The following SCGB2B2 variants were observed in gnomAD, a reference collection of about 807,000 sequenced individuals.
SCGB2B2 encodes secretoglobin-like protein.
A neutral mutation model predicts 7.6 loss-of-function variants in SCGB2B2; 11 were observed. The observed-to-expected ratio is 1.45, with a 90% CI of 0.91 to 2.40. The LOEUF (loss-of-function observed/expected upper bound fraction) is 2.40. Among genes scored for constraint, SCGB2B2 ranks in the 30% most tolerant of loss-of-function variants. The probability of loss-of-function intolerance (pLI) is 0.00; values close to 1 mark genes in which losing one functional copy is unlikely to be tolerated. For synonymous variants in SCGB2B2, 50 were observed against 48.6 expected, an observed-to-expected ratio of 1.03 and a Z score of -0.12; for missense variants, 104 against 115.4, an observed-to-expected ratio of 0.90 and a Z score of 0.45.
chr19:34,619,267 G>A (rs948145709), intron 1 of SCGB2B2, among the ~76,000 whole-genome samples: 2 of 152,106 alleles, frequency 1.3e-5, no homozygotes, highest in African/African-American at 4.8e-5. Flanking sequence ...GAGGGAGAGT[G>A]GGGGCTTTAA....
rs1007854587 is a variant in SCGB2B2 at position 34,593,339 on chromosome 19, C to A, written c.*216G>T. ...GAAAACAGGCATGTCTATGCTACAC[C>A]TGTAGAGTTTTTCCTCAGTCGCATA... On this transcript the variant is annotated 3_prime_UTR_variant, in exon 4 of 4. Transcript: ENST00000601241. 7 of 536,370 alleles carry A rather than the reference C, an allele frequency of 1.3e-5. No homozygotes were observed. The highest frequency in any genetic ancestry group is 9.5e-5 in the Admixed American group (3 of 31,710). 33.2% of individuals were successfully genotyped at this position (536,370 alleles called of 1,614,324 possible). A position where few individuals can be genotyped will look rare whatever the true frequency, so the allele number is the denominator to read the frequency against.
chr19:34,650,703 TAAACTCTTCCTG>T (rs1380871594), intron 1 of SCGB2B2, among the ~76,000 whole-genome samples: 4 of 151,294 alleles, frequency 2.6e-5, no homozygotes, highest in Non-Finnish European at 1.5e-5. Flanking sequence ...CAATTCTTCC[TAAACTCTTCCTG>T]AAAATTGAAG....
rs1435540879 is a variant in SCGB2B2 at position 34,595,468 on chromosome 19, T to TGGAGAGTAGCTA, written c.-917_-906dup. The stretch of plus-strand genomic sequence containing the variant: ...CTCAAACAGCATAACTTTAACTTGT[T>TGGAGAGTAGCTA]GGAGAGTAGCTAGTAGGAGCGGCCT... On this transcript the variant is annotated 5_prime_UTR_variant, in exon 2 of 4. Transcript: ENST00000601241. 6.5e-6 allele frequency: 1 copy of TGGAGAGTAGCTA among 152,678 alleles called. No individual in the cohort carries two copies. Among genetic ancestry groups the TGGAGAGTAGCTA allele is most frequent in the Non-Finnish European group, 1.5e-5 (1 of 68,046 alleles). 9.5% of individuals were successfully genotyped at this position (152,678 alleles called of 1,614,324 possible).
intron 1 of SCGB2B2, among the ~76,000 whole-genome samples, chr19:34,651,027 A>G (rs2067149793): frequency 6.6e-6 from 1 of 151,428 alleles, no homozygotes; most frequent in Admixed American, 6.6e-5. Context: ...TTAGGTGTGG[A>G]AAAAGCATGA....
intron 1 of SCGB2B2, among the ~76,000 whole-genome samples, chr19:34,671,011 C>G (rs1440485904): frequency 6.6e-6 from 1 of 152,190 alleles, no homozygotes; most frequent in Non-Finnish European, 1.5e-5. Context: ...TCAACCTCCG[C>G]CTCCCGGGTT....
chr19:34,620,933 T>G (rs774782899), intron 1 of SCGB2B2, among the ~76,000 whole-genome samples: 2 of 152,166 alleles, frequency 1.3e-5, no homozygotes, highest in African/African-American at 2.4e-5. Context: ...GTTCCAATAC[T>G]TGAAATCAGT....
At chr19:34,612,393 C>T (rs1225626575) in intron 1 of SCGB2B2, among the ~76,000 whole-genome samples, 1 of 152,120 alleles carries the variant, frequency 6.6e-6, no homozygotes, top group Non-Finnish European at 1.5e-5. Flanking sequence ...AGAATAGATA[C>T]TTGATATGAT....
chr19:34,658,957 C>A (rs1351926643), intron 1 of SCGB2B2, among the ~76,000 whole-genome samples: 3 of 152,132 alleles, frequency 2.0e-5, no homozygotes, highest in Non-Finnish European at 4.4e-5. Flanking sequence ...AAGTTGGCTT[C>A]ATCCCTGGGA....
chr19:34,664,490 G>A (rs552634974), intron 1 of SCGB2B2, among the ~76,000 whole-genome samples: 1 of 152,300 alleles, frequency 6.6e-6, no homozygotes, highest in East Asian at 1.9e-4. Flanking sequence ...GTGGCTCAAG[G>A]CCAGGTGCCT....
chr19:34,590,462 A>G (rs533175183), downstream of SCGB2B2, among the ~76,000 whole-genome samples: 3 of 152,132 alleles, frequency 2.0e-5, no homozygotes, highest in East Asian at 3.9e-4. Context: ...CCATCCAACA[A>G]TCCATCTGTC....
At chr19:34,631,630 A>T (rs2066538118) in intron 1 of SCGB2B2, among the ~76,000 whole-genome samples, 2 of 152,172 alleles carry the variant, frequency 1.3e-5, no homozygotes, top group African/African-American at 4.8e-5. Flanking sequence ...AAATAAAGGG[A>T]GAGATATGCC....
intron 1 of SCGB2B2, among the ~76,000 whole-genome samples, chr19:34,619,889 G>T (rs1417654344): frequency 6.6e-6 from 1 of 152,110 alleles, no homozygotes; most frequent in Non-Finnish European, 1.5e-5. Context: ...TCAAAGCTTT[G>T]TAACTCAACT....
intron 1 of SCGB2B2, among the ~76,000 whole-genome samples, chr19:34,643,713 T>TA (rs538545156): frequency 6.6e-6 from 1 of 151,870 alleles, no homozygotes; most frequent in South Asian, 2.1e-4. Context: ...ATGTATCAAT[T>TA]AAAAAAAACT....
intron 1 of SCGB2B2, among the ~76,000 whole-genome samples, chr19:34,600,510 C>T (rs896596991): frequency 2.6e-5 from 4 of 152,238 alleles, no homozygotes; most frequent in African/African-American, 9.6e-5. Context: ...CCCAGCCACA[C>T]TGTAGTATTT....
intron 1 of SCGB2B2, among the ~76,000 whole-genome samples, chr19:34,624,996 T>G (rs552205158): frequency 6.6e-6 from 1 of 152,342 alleles, no homozygotes; most frequent in East Asian, 1.9e-4. Context: ...CTACTCATCT[T>G]TCTGATGTTT....
At chr19:34,638,872 C>T (rs1050852511) in intron 1 of SCGB2B2, among the ~76,000 whole-genome samples, 5 of 152,278 alleles carry the variant, frequency 3.3e-5, no homozygotes, top group Middle Eastern at 3.4e-3. Context: ...ATAAAAGGGA[C>T]CATATCAAGT....
intron 1 of SCGB2B2, among the ~76,000 whole-genome samples, chr19:34,655,309 CA>C (rs56002206): frequency 0.42 from 63,529 of 150,824 alleles, 14,649 homozygotes; most frequent in Middle Eastern, 0.6. Context: ...GAAACATTTA[CA>C]AATCTATTCG....
intron 1 of SCGB2B2, among the ~76,000 whole-genome samples, chr19:34,665,137 A>T (rs1324898171): frequency 6.6e-6 from 1 of 152,102 alleles, no homozygotes; most frequent in Non-Finnish European, 1.5e-5. Context: ...CCTCCCTCTG[A>T]AATGGTGGCC....
chr19:34,626,708 C>T (rs959534145), intron 1 of SCGB2B2, among the ~76,000 whole-genome samples: 1 of 152,146 alleles, frequency 6.6e-6, no homozygotes, highest in Non-Finnish European at 1.5e-5. Context: ...AGGAGAACTT[C>T]CCCAATCTAG....
Sources: gnomAD v4.1 joint callset for allele counts (sites outside exome capture counted in the v4.1 genomes callset) on GRCh38, gnomAD v4.1.1 for gene constraint, MANE v1.5 for transcripts, NCBI Gene and HGNC (gene_info 2026-07-23, HGNC 2026-07-21) for gene names.